Variants in KDM4C observed in about 807,000 individuals in gnomAD.
KDM4C encodes lysine demethylase 4C, also known as lysine-specific demethylase 4C.
KDM4C carries 81 observed loss-of-function variants against 129.3 expected under a neutral mutation model. The observed-to-expected ratio is 0.63, with a 90% CI of 0.52 to 0.75. KDM4C has a LOEUF of 0.75. Among genes scored for constraint, KDM4C ranks in the 30% least tolerant of loss-of-function variants. The probability of loss-of-function intolerance (pLI) is 0.00; values close to 1 mark genes in which losing one functional copy is unlikely to be tolerated. For synonymous variants in KDM4C, 573 were observed against 456.1 expected, an observed-to-expected ratio of 1.26 and a Z score of -3.26; for missense variants, 1,457 against 1,304.0, an observed-to-expected ratio of 1.12 and a Z score of -1.81.
chr9:7,000,970 C>G (rs559207218), intron 12 of KDM4C, among the ~76,000 whole-genome samples: 12 of 152,270 alleles, frequency 7.9e-5, no homozygotes, highest in African/African-American at 2.4e-4. Context: ...AAACTTAGTC[C>G]TGGCTGGCAA....
chr9:6,928,852 T>C (rs985365844), intron 8 of KDM4C, among the ~76,000 whole-genome samples: 9 of 152,220 alleles, frequency 5.9e-5, no homozygotes, highest in Admixed American at 3.9e-4. Flanking sequence ...GGTTTCCCTA[T>C]GGAAGTAGTG....
At chr9:6,922,071 A>G (rs1821625061) in intron 8 of KDM4C, among the ~76,000 whole-genome samples, 1 of 152,226 alleles carries the variant, frequency 6.6e-6, no homozygotes, top group East Asian at 1.9e-4. Context: ...CCCAGTGCCT[A>G]GCACCATAAC....
At chr9:6,873,915 C>CGAGA (rs370139035) in intron 5 of KDM4C, among the ~76,000 whole-genome samples, 1 of 112,910 alleles carries the variant, frequency 8.9e-6, no homozygotes, top group Non-Finnish European at 1.9e-5. Flanking sequence ...AGAGAGAGAG[C>CGAGA]GAGAGAGAGA....
intron 17 of KDM4C, among the ~76,000 whole-genome samples, chr9:7,070,776 C>A (rs1833087755): frequency 6.6e-6 from 1 of 152,150 alleles, no homozygotes; most frequent in Admixed American, 6.5e-5. Context: ...ACACTGAATT[C>A]TTTCCTGTGA....
At chr9:6,852,920 T>C (rs1322532485) in intron 5 of KDM4C, among the ~76,000 whole-genome samples, 2 of 152,120 alleles carry the variant, frequency 1.3e-5, no homozygotes, top group Non-Finnish European at 2.9e-5. Context: ...TTACAACTGG[T>C]TGTGGCCACC....
At chr9:6,789,103 G>C (rs933589925) in intron 1 of KDM4C, among the ~76,000 whole-genome samples, 1 of 150,936 alleles carries the variant, frequency 6.6e-6, no homozygotes, top group Non-Finnish European at 1.5e-5. Flanking sequence ...GAGTGGGAGT[G>C]CAGTGGCACA....
chr9:6,989,835 C>G lies in KDM4C; in HGVS notation c.1678-581C>G, dbSNP rs114315802. Reference sequence around the variant, plus strand: ...TGTCACCCAGGCTGTTGTGCAGTGGCTTGATCTTGGCTCATTGCAGCCTCC... The same window carrying G: ...TGTCACCCAGGCTGTTGTGCAGTGGGTTGATCTTGGCTCATTGCAGCCTCC... On this transcript the variant is annotated intron_variant, in intron 11 of 21. Transcript: ENST00000381309. 8.6e-3 allele frequency among the ~76,000 whole-genome samples: 1,316 copies of G among 152,266 alleles called. 21 individuals are homozygous for G. Among genetic ancestry groups the G allele is most frequent in the African/African-American group, 0.03 (1,265 of 41,546 alleles).
intron 17 of KDM4C, chr9:7,076,509 A>G (rs1298894025): frequency 1.7e-5 from 26 of 1,547,858 alleles, no homozygotes; most frequent in Non-Finnish European, 2.1e-5. Context: ...GAAAACATCA[A>G]TTCATTAGGA....
At chr9:6,914,320 A>G (rs972467468) in intron 8 of KDM4C, among the ~76,000 whole-genome samples, 6 of 152,058 alleles carry the variant, frequency 3.9e-5, no homozygotes, top group Admixed American at 6.6e-5. Flanking sequence ...CTGACTCCCA[A>G]AGTGCTGGGA....
intron 5 of KDM4C, among the ~76,000 whole-genome samples, chr9:6,868,078 T>C (rs927908649): frequency 1.6e-4 from 25 of 152,104 alleles, no homozygotes; most frequent in Non-Finnish European, 1.5e-5. Context: ...AGAGCTGATA[T>C]GGATGAAATG....
intron 8 of KDM4C, among the ~76,000 whole-genome samples, chr9:6,907,736 T>C (rs1401960762): frequency 1.3e-5 from 2 of 152,176 alleles, no homozygotes; most frequent in Non-Finnish European, 2.9e-5. Flanking sequence ...TTGAAAGAAG[T>C]AAAGTGGAAT....
chr9:7,092,968 C>T (rs752067217), intron 17 of KDM4C, among the ~76,000 whole-genome samples: 1 of 152,048 alleles, frequency 6.6e-6, no homozygotes, highest in Non-Finnish European at 1.5e-5. Context: ...TAAAGTGTGG[C>T]CTAGCATCCA....
At chr9:6,777,938 A>G (rs530487214) in intron 1 of KDM4C, among the ~76,000 whole-genome samples, 238 of 138,988 alleles carry the variant, frequency 1.7e-3, no homozygotes, top group African/African-American at 6.2e-3. Context: ...TTTTCTCCCC[A>G]TAAAGACAGG....
chr9:7,003,146 G>A lies in KDM4C; in HGVS notation c.1787-8552G>A, dbSNP rs565861817. Among the ~76,000 whole-genome samples, 4 of 152,268 alleles carry A rather than the reference G, an allele frequency of 2.6e-5. No individual in the cohort carries two copies. In the East Asian group the frequency reaches 5.8e-4, roughly 22 times the overall value. ...CTCCCAAAGTGCCAGGATTACAGACGTGAGCCACTGTGTCCAGCCTACTCT... is the reference window on the plus strand; with the variant it reads ...CTCCCAAAGTGCCAGGATTACAGACATGAGCCACTGTGTCCAGCCTACTCT... On this transcript the variant is annotated intron_variant, in intron 12 of 21. Transcript: ENST00000381309.
At position 7,160,064 on chromosome 9, in the gene KDM4C, C is replaced by T. The variant is rs148550500; in HGVS notation, c.2782-5174C>T. Among the ~76,000 whole-genome samples the T allele has an allele frequency of 5.1e-4, 77 of 152,294 alleles. 1 individual carries two copies. The highest frequency in any genetic ancestry group is 1.3e-3 in the Admixed American group (20 of 15,296). On this transcript the variant is annotated intron_variant, in intron 19 of 21. Transcript: ENST00000381309. Reference sequence around the variant, plus strand: ...TTTTTTCTCTGACCTTGTCTTCTCACTTAATTTCATTATTTTGATCTTCAA... The same window carrying T: ...TTTTTTCTCTGACCTTGTCTTCTCATTTAATTTCATTATTTTGATCTTCAA...
intron 12 of KDM4C, among the ~76,000 whole-genome samples, chr9:6,995,912 C>CAA: frequency 6.6e-6 from 1 of 152,298 alleles, no homozygotes; most frequent in East Asian, 1.9e-4. Flanking sequence ...TCGTGATCTG[C>CAA]CCACCTCGGC....
intron 19 of KDM4C, among the ~76,000 whole-genome samples, chr9:7,160,606 G>A (rs1843682618): frequency 6.6e-6 from 1 of 152,190 alleles, no homozygotes; most frequent in African/African-American, 2.4e-5. Flanking sequence ...CAGGTCTGTT[G>A]GAGTTTGCTG....
chr9:6,752,904 C>G (rs534798252), upstream of KDM4C, among the ~76,000 whole-genome samples: 10 of 152,080 alleles, frequency 6.6e-5, no homozygotes, highest in East Asian at 1.9e-3. Context: ...GCATTTTATC[C>G]CTCAGTGATG....
intron 5 of KDM4C, among the ~76,000 whole-genome samples, chr9:6,865,409 C>T (rs1194017371): frequency 6.6e-6 from 1 of 152,162 alleles, no homozygotes; most frequent in Non-Finnish European, 1.5e-5. Flanking sequence ...GATCAGAGAG[C>T]TTACATATAG....
Sources: allele counts gnomAD v4.1 joint callset (sites outside exome capture counted in the v4.1 genomes callset), GRCh38; gene constraint gnomAD v4.1.1; transcripts MANE v1.5; gene names NCBI Gene and HGNC (gene_info 2026-07-23, HGNC 2026-07-21).